Variants in BRINP1 observed in about 807,000 individuals in gnomAD.
BRINP1 encodes the protein BMP/retinoic acid-inducible neural-specific protein 1.
In BRINP1, 17 loss-of-function variants were observed where a neutral mutation model predicts 72.9. The ratio of observed to expected loss-of-function variants is 0.23; its 90% CI spans 0.16 to 0.35. BRINP1 has a LOEUF of 0.35. BRINP1 is among the 10% of genes least tolerant of loss of function. The pLI is 1.00. For synonymous variants in BRINP1, 418 were observed against 378.5 expected (o/e 1.10, Z -1.21); for missense variants, 850 against 1,001.6 (o/e 0.85, Z 2.04).
rs185171412 is a variant in BRINP1, at chr9:119,317,022, C to T, written c.-50-3617G>A. Among the ~76,000 whole-genome samples, 72 of 151,724 alleles carry T rather than the reference C, an allele frequency of 4.7e-4. No homozygotes were observed. The East Asian group carries it at 8.5e-3, about 18-fold the overall frequency. On this transcript the variant is annotated intron_variant, in intron 1 of 7. Transcript: ENST00000265922. ...AGGAGAATCGCTTGAACCCGGGAGG[C>T]GGAGGTCGCCGGGAACCAAGATCGC...
At chr9:119,349,024 G>A (rs530226858) in intron 1 of BRINP1, among the ~76,000 whole-genome samples, 2 of 152,166 alleles carry the variant, frequency 1.3e-5, no homozygotes, top group East Asian at 3.9e-4. Context: ...GAGAGTTTGA[G>A]TTATTTGCCA....
chr9:119,216,811 C>A (rs1829982748), intron 5 of BRINP1, among the ~76,000 whole-genome samples: 1 of 152,114 alleles, frequency 6.6e-6, no homozygotes, highest in Non-Finnish European at 1.5e-5. Context: ...AAAATTGCGT[C>A]AAATCATTTT....
At chr9:119,355,595 G>A (rs1217019023) in intron 1 of BRINP1, among the ~76,000 whole-genome samples, 7 of 152,132 alleles carry the variant, frequency 4.6e-5, no homozygotes, top group South Asian at 4.2e-4. Flanking sequence ...CGGGCGTGGT[G>A]GTGGGTGCCT....
chr9:119,283,304 C>T (rs1328507973), intron 2 of BRINP1: 2 of 480,234 alleles, frequency 4.2e-6, no homozygotes, highest in African/African-American at 4.2e-5. Context: ...CTGCCCCAGA[C>T]AGACCCAGTG....
At chr9:119,310,184 T>C (rs1242979122) in intron 2 of BRINP1, among the ~76,000 whole-genome samples, 1 of 152,250 alleles carries the variant, frequency 6.6e-6, no homozygotes, top group Non-Finnish European at 1.5e-5. Context: ...GAAGTTCTGT[T>C]AGTTGACCAA....
chr9:119,168,736 A>C (rs1829353759), intron 7 of BRINP1, among the ~76,000 whole-genome samples: 1 of 124,544 alleles, frequency 8.0e-6, no homozygotes, highest in South Asian at 2.8e-4. Flanking sequence ...ATTATATTTT[A>C]TCATACGCTA....
intron 7 of BRINP1, among the ~76,000 whole-genome samples, chr9:119,174,448 A>T (rs2118827592): frequency 6.7e-6 from 1 of 149,200 alleles, no homozygotes; most frequent in Non-Finnish European, 1.5e-5. Context: ...AATGGCAAAC[A>T]TTAAAAAGTC....
chr9:119,290,680 A>G (rs1019659426), intron 2 of BRINP1, among the ~76,000 whole-genome samples: 2 of 152,202 alleles, frequency 1.3e-5, no homozygotes, highest in African/African-American at 4.8e-5. Flanking sequence ...GTGATTACCC[A>G]GGGAAAATGG....
intron 7 of BRINP1, among the ~76,000 whole-genome samples, chr9:119,185,596 G>C (rs913505816): frequency 6.6e-6 from 1 of 152,208 alleles, no homozygotes. Flanking sequence ...GGAGAGCACT[G>C]AAGTACAGTA....
chr9:119,326,876 C>G (rs1039968352), intron 1 of BRINP1, among the ~76,000 whole-genome samples: 1 of 152,156 alleles, frequency 6.6e-6, no homozygotes, highest in Non-Finnish European at 1.5e-5. Context: ...GGAAATGCTT[C>G]CTGGAGATGA....
intron 7 of BRINP1, among the ~76,000 whole-genome samples, chr9:119,184,515 G>A (rs1302106248): frequency 1.3e-5 from 2 of 152,126 alleles, no homozygotes; most frequent in Non-Finnish European, 2.9e-5. Context: ...CTTATTTATA[G>A]GACAATTTAA....
At chr9:119,315,333 T>C (rs1831114410) in intron 1 of BRINP1, among the ~76,000 whole-genome samples, 1 of 152,124 alleles carries the variant, frequency 6.6e-6, no homozygotes, top group Admixed American at 6.5e-5. Context: ...TTTCACACTT[T>C]TTTATTATTA....
intron 5 of BRINP1, among the ~76,000 whole-genome samples, chr9:119,229,234 T>G (rs888516154): frequency 6.6e-6 from 1 of 152,084 alleles, no homozygotes; most frequent in Admixed American, 6.6e-5. Flanking sequence ...CAAGCACATA[T>G]GCCATGGAGG....
chr9:119,336,984 G>A (rs1587965074), intron 1 of BRINP1, among the ~76,000 whole-genome samples: 1 of 152,018 alleles, frequency 6.6e-6, no homozygotes, highest in Admixed American at 6.5e-5. Flanking sequence ...GGATTAATGG[G>A]AGAGAGGGAG....
chr9:119,168,360 G>T, intron 7 of BRINP1, 136 bp from the exon 8 acceptor site: 1 of 629,496 alleles, frequency 1.6e-6, no homozygotes, highest in Non-Finnish European at 2.5e-6. Context: ...ATACAGGAAG[G>T]GCATCGAATA....
chr9:119,250,190 C>T (rs970536017), intron 2 of BRINP1, among the ~76,000 whole-genome samples: 2 of 151,796 alleles, frequency 1.3e-5, no homozygotes, highest in Non-Finnish European at 2.9e-5. Context: ...GTAGACAGGA[C>T]CTAAGGCACA....
At chr9:119,252,386 T>C (rs1830398798) in intron 2 of BRINP1, among the ~76,000 whole-genome samples, 1 of 152,142 alleles carries the variant, frequency 6.6e-6, no homozygotes, top group Non-Finnish European at 1.5e-5. Flanking sequence ...AATTGATCAA[T>C]ACACAGCAAT....
chr9:119,368,958 G>T lies in BRINP1; in HGVS notation c.-51+98C>A, dbSNP rs978275697. On this transcript the variant is annotated intron_variant, in intron 1 of 7. Coordinates refer to ENST00000265922, the MANE Select transcript of BRINP1 (RefSeq NM_014618.3). This position sits in a 1 kb window ranked among gnomAD's most constrained non-coding sequence, Gnocchi z 4.7. The stretch of plus-strand genomic sequence containing the variant: ...GAAGAGCGGACAAGGGTGCCGGTAG[G>T]GGGAGGGGCAGAGGAGCGCGGGGAC... 2.8e-5 allele frequency: 11 copies of T among 387,622 alleles called. No homozygotes were observed. Among genetic ancestry groups the T allele is most frequent in the South Asian group, 1.4e-4 (1 of 6,940 alleles). The allele number at this position is 387,622 out of a possible 1,614,324, so 24.0% of individuals were successfully genotyped here. A position where few individuals can be genotyped will look rare whatever the true frequency, so the allele number is the denominator to read the frequency against.
At chr9:119,282,811 A>T (rs1400187364) in intron 2 of BRINP1, 19 of 985,382 alleles carry the variant, frequency 1.9e-5, no homozygotes, top group Non-Finnish European at 2.3e-5. Flanking sequence ...GAGTGAAACC[A>T]AGGGGAGAGT....
Sources: gnomAD v4.1 joint callset for allele counts (sites outside exome capture counted in the v4.1 genomes callset) on GRCh38, gnomAD v4.1.1 for gene constraint, Gnocchi (gnomAD v3.1) non-coding constraint, MANE v1.5 for transcripts, NCBI Gene and HGNC (gene_info 2026-07-23, HGNC 2026-07-21) for gene names.